Variants in PCDHAC1 observed in about 807,000 individuals in gnomAD.
PCDHAC1 encodes the protein protocadherin alpha subfamily C, 1, also known as protocadherin alpha-C1.
In PCDHAC1, 42 loss-of-function variants were observed where a neutral mutation model predicts 60.0. That is an observed-to-expected ratio of 0.70 (90% confidence interval 0.55 to 0.90). PCDHAC1 has a LOEUF of 0.90. Among genes scored for constraint, PCDHAC1 ranks in the 40% least tolerant of loss-of-function variants. The pLI, the probability that PCDHAC1 is intolerant of heterozygous loss-of-function variation, is 0.00. For missense variants in PCDHAC1, 1,160 were observed against 1,222.3 expected (o/e 0.95, Z 0.76); for synonymous variants, 468 against 499.3 (o/e 0.94, Z 0.84).
rs2096251750 is a variant in PCDHAC1 at position 140,968,509 on chromosome 5, C to T, written c.2434-10440C>T. 3 of 1,614,162 alleles carry T rather than the reference C, an allele frequency of 1.9e-6. No individual in the cohort carries two copies. In the South Asian group the frequency reaches 3.3e-5, roughly 18 times the overall value. On this transcript the variant is annotated intron_variant, in intron 1 of 3. Coordinates refer to ENST00000253807, the MANE Select transcript of PCDHAC1 (RefSeq NM_018898.5). Reference sequence around the variant, plus strand: ...ATGACCATGCCCCTCACATTCTGTACCCTACCTCAACCAACTCGTCAGCAG... The same window carrying T: ...ATGACCATGCCCCTCACATTCTGTATCCTACCTCAACCAACTCGTCAGCAG...
At chr5:141,004,434 G>T (rs1383958111) in intron 3 of PCDHAC1, among the ~76,000 whole-genome samples, 2 of 152,186 alleles carry the variant, frequency 1.3e-5, no homozygotes, top group Non-Finnish European at 2.9e-5. Flanking sequence ...TGGAGTTTAG[G>T]CTGAGTCATA....
rs139322203 is a variant in PCDHAC1, at chr5:140,927,997, C to T, written c.1105C>T (p.Leu369Phe). The change falls in exon 1 of 4, where the codon CTC becomes TTC. Residue 369 changes from leucine to phenylalanine, a missense_variant. Physicochemically the swap from Leu to Phe is conservative, Grantham distance 22 (BLOSUM62 0). Coordinates refer to ENST00000253807, the MANE Select transcript of PCDHAC1 (RefSeq NM_018898.5). ...TCTCTTTAGTGTAAAGGATGAAGACCTCGATTCTAATGGTAGGGTCATTTG... is the reference window on the plus strand; with the variant it reads ...TCTCTTTAGTGTAAAGGATGAAGACTTCGATTCTAATGGTAGGGTCATTTG... ...IALFSVKDED[L>F]DSNGRVICGM... 298 of 1,614,182 alleles carry T rather than the reference C, an allele frequency of 1.8e-4. No individual in the cohort carries two copies. Among genetic ancestry groups the T allele is most frequent in the Admixed American group, 5.8e-4 (35 of 60,020 alleles).
intron 1 of PCDHAC1, among the ~76,000 whole-genome samples, chr5:140,951,626 C>T (rs1182328214): frequency 3.3e-5 from 5 of 152,062 alleles, no homozygotes; most frequent in African/African-American, 4.8e-5. Context: ...AAGGGGGAAA[C>T]CTGCCCCATG....
intron 3 of PCDHAC1, among the ~76,000 whole-genome samples, chr5:140,995,541 G>T (rs1444257516): frequency 6.6e-5 from 10 of 152,186 alleles, no homozygotes; most frequent in Non-Finnish European, 1.3e-4. Context: ...CAAATAAGGG[G>T]CGATCACTGT....
chr5:140,992,154 C>T (rs2097495252), intron 3 of PCDHAC1, among the ~76,000 whole-genome samples: 1 of 151,952 alleles, frequency 6.6e-6, no homozygotes. Flanking sequence ...TTTGCTCAAT[C>T]AAGAAGTGTG....
At chr5:140,995,571 T>A (rs2097689586) in intron 3 of PCDHAC1, among the ~76,000 whole-genome samples, 1 of 152,252 alleles carries the variant, frequency 6.6e-6, no homozygotes, top group Admixed American at 6.5e-5. Flanking sequence ...TATGTCAAGA[T>A]GAGCTATGAG....
Position 140,968,978 on chromosome 5 carries a change from G to T in PCDHAC1, c.2434-9971G>T, listed in dbSNP as rs782147151. ...CAAGTGCTACCGCTACACTGCGTATGGCACTGCATGCTGTGGAGGCTTCTG... is the reference window on the plus strand; with the variant it reads ...CAAGTGCTACCGCTACACTGCGTATTGCACTGCATGCTGTGGAGGCTTCTG... On this transcript the variant is annotated intron_variant, in intron 1 of 3. Coordinates refer to ENST00000253807, the MANE Select transcript of PCDHAC1 (RefSeq NM_018898.5). The T allele has an allele frequency of 8.7e-6, 14 of 1,614,212 alleles. No homozygotes were observed. Among genetic ancestry groups the T allele is most frequent in the Non-Finnish European group, 1.2e-5 (14 of 1,180,042 alleles).
chr5:140,940,485 ACAAGT>A (rs1554213400), intron 1 of PCDHAC1, among the ~76,000 whole-genome samples: 1 of 151,718 alleles, frequency 6.6e-6, no homozygotes, highest in African/African-American at 2.4e-5. Flanking sequence ...TTTTTTCAAG[ACAAGT>A]CTTGCTCCGT....
At chr5:140,937,150 G>C (rs2153631833) in intron 1 of PCDHAC1, among the ~76,000 whole-genome samples, 1 of 149,812 alleles carries the variant, frequency 6.7e-6, no homozygotes, top group East Asian at 2.0e-4. Context: ...CCATTCTCCT[G>C]CCTCAGCCTC....
chr5:141,010,199 T>G lies in PCDHAC1; in HGVS notation c.*262T>G. On this transcript the variant is annotated 3_prime_UTR_variant, in exon 4 of 4. Coordinates refer to ENST00000253807, the MANE Select transcript of PCDHAC1 (RefSeq NM_018898.5). Reference sequence around the variant, plus strand: ...AAGCAGACCCAAGTTTCCTTTCTCCTCCGCCGCAAAGGAGAGGCTTCCCAG... The same window carrying G: ...AAGCAGACCCAAGTTTCCTTTCTCCGCCGCCGCAAAGGAGAGGCTTCCCAG... The G allele has an allele frequency of 1.3e-6, 2 of 1,551,990 alleles. No homozygotes were observed. Among genetic ancestry groups the G allele is most frequent in the South Asian group, 1.2e-5 (1 of 84,106 alleles).
At chr5:140,947,655 A>G (rs942849633) in intron 1 of PCDHAC1, among the ~76,000 whole-genome samples, 3 of 151,542 alleles carry the variant, frequency 2.0e-5, no homozygotes, top group Non-Finnish European at 4.4e-5. Context: ...ATATACCTCC[A>G]TTTACTTGGG....
At chr5:140,934,930 C>G (rs1467115569) in intron 1 of PCDHAC1, among the ~76,000 whole-genome samples, 2 of 152,102 alleles carry the variant, frequency 1.3e-5, no homozygotes, top group Non-Finnish European at 2.9e-5. Context: ...CATAAAGTTA[C>G]AAAACTAGTA....
chr5:140,976,395 T>G (rs973484895), intron 1 of PCDHAC1, among the ~76,000 whole-genome samples: 1 of 151,734 alleles, frequency 6.6e-6, no homozygotes, highest in Middle Eastern at 3.4e-3. Flanking sequence ...TACTAAAAAT[T>G]CAAAAATTAG....
intron 3 of PCDHAC1, 146 bp downstream of exon 3, chr5:140,982,709 A>G (rs2096998107): frequency 2.2e-6 from 3 of 1,375,182 alleles, no homozygotes; most frequent in Admixed American, 2.9e-5. Flanking sequence ...ATTTCCTTAC[A>G]TATATGATTA....
Position 141,010,329 on chromosome 5 carries a change from G to A in PCDHAC1, c.*392G>A. The A allele has an allele frequency of 6.5e-7, 1 of 1,538,672 alleles. No individual in the cohort carries two copies. Among genetic ancestry groups the A allele is most frequent in the Non-Finnish European group, 8.8e-7 (1 of 1,142,532 alleles). On this transcript the variant is annotated 3_prime_UTR_variant, in exon 4 of 4. Transcript: ENST00000253807. ...AGTTTTGAGATTGAGCAGCTTGGGA[G>A]TTTGTGGCCACTGGGTATGTGTGGC...
intron 1 of PCDHAC1, among the ~76,000 whole-genome samples, chr5:140,961,765 T>C (rs2095634679): frequency 6.6e-6 from 1 of 152,244 alleles, no homozygotes; most frequent in African/African-American, 2.4e-5. Flanking sequence ...AAGGAATTTA[T>C]ATCAAGCTTA....
intron 1 of PCDHAC1, among the ~76,000 whole-genome samples, chr5:140,978,377 G>GT (rs1554239246): frequency 6.6e-6 from 1 of 152,212 alleles, no homozygotes; most frequent in Non-Finnish European, 1.5e-5. Context: ...GCAATAGTTT[G>GT]TTTTCCTCTC....
rs538891766 is a variant in PCDHAC1 at position 140,931,784 on chromosome 5, A to G, written c.2433+2459A>G. The stretch of plus-strand genomic sequence containing the variant: ...TTTACTTCTTCCTGTTCAATTACCT[A>G]TTGATCTGATCTTAATTCTTTAGAA... On this transcript the variant is annotated intron_variant, in intron 1 of 3. Transcript: ENST00000253807. Among the ~76,000 whole-genome samples, 13 of 152,080 alleles carry G rather than the reference A, an allele frequency of 8.5e-5. No homozygotes were observed. In the East Asian group the frequency reaches 1.9e-3, roughly 23 times the overall value.
chr5:140,927,247 G>A lies in PCDHAC1; in HGVS notation c.355G>A (p.Asp119Asn), dbSNP rs782521189. The change falls in exon 1 of 4, where the codon GAC becomes AAC. Residue 119 changes from aspartate to asparagine, a missense_variant. By Grantham distance (23) the Asp-to-Asn change is conservative. Coordinates refer to ENST00000253807, the MANE Select transcript of PCDHAC1 (RefSeq NM_018898.5). Reference sequence around the variant, plus strand: ...TCGGATTCACGTCCTGGACACCAATGACAACTCACCTCTCTTTCCTGCCGG... The same window carrying A: ...TCGGATTCACGTCCTGGACACCAATAACAACTCACCTCTCTTTCCTGCCGG... ...KIRIHVLDTN[D>N]NSPLFPAGDV... The A allele has an allele frequency of 4.3e-6, 7 of 1,613,978 alleles. No individual in the cohort carries two copies. The highest frequency in any genetic ancestry group is 3.3e-4 in the Middle Eastern group (2 of 6,084).
Sources: gnomAD v4.1 joint callset for allele counts (sites outside exome capture counted in the v4.1 genomes callset) on GRCh38, gnomAD v4.1.1 for gene constraint, MANE v1.5 for transcripts, NCBI Gene and HGNC (gene_info 2026-07-23, HGNC 2026-07-21) for gene names.